Variants in RFX2 observed in about 807,000 individuals in gnomAD.
RFX2 encodes regulatory factor X2.
Under a neutral mutation model 87.8 loss-of-function variants are expected in RFX2, and 20 were observed. That is an observed-to-expected ratio of 0.23 (90% CI 0.16 to 0.33). RFX2 has a LOEUF of 0.33. Ranked by LOEUF, RFX2 falls within the 10% of genes least tolerant of loss-of-function variation. RFX2 has a pLI of 1.00. For synonymous variants in RFX2, 397 were observed against 431.3 expected, an observed-to-expected ratio of 0.92 and a Z score of 0.98; for missense variants, 767 against 1,012.3, an observed-to-expected ratio of 0.76 and a Z score of 3.29.
intron 2 of RFX2, among the ~76,000 whole-genome samples, chr19:6,046,563 C>CAA (rs553142802): frequency 2.6e-5 from 3 of 117,094 alleles, no homozygotes; most frequent in Non-Finnish European, 3.7e-5. Context: ...CGTCCCCCCC[C>CAA]AAAAAAAAAA....
chr19:5,996,553 G>T (rs933421556), intron 16 of RFX2, among the ~76,000 whole-genome samples: 5 of 152,258 alleles, frequency 3.3e-5, no homozygotes, highest in Non-Finnish European at 7.3e-5. Flanking sequence ...TGCAGGAGGA[G>T]CTTGGGAATG....
At chr19:6,109,147 T>G (rs1473287359) in intron 1 of RFX2, among the ~76,000 whole-genome samples, 1 of 151,116 alleles carries the variant, frequency 6.6e-6, no homozygotes, top group African/African-American at 2.4e-5. Flanking sequence ...GCAGTTTAGG[T>G]TCTTTAACAA....
At position 6,012,954 on chromosome 19, in the gene RFX2, G is replaced by GC; in HGVS notation, c.899+31dup. 6.7e-7 allele frequency: 1 copy of GC among 1,485,936 alleles called. No individual in the cohort carries two copies. The highest frequency in any genetic ancestry group is 9.0e-7 in the Non-Finnish European group (1 of 1,117,012). The allele number at this position is 1,485,936 out of a possible 1,614,324, so 92.0% of individuals were successfully genotyped here. On this transcript the variant is annotated intron_variant, in intron 8 of 17. Coordinates refer to ENST00000303657, the MANE Select transcript of RFX2 (RefSeq NM_000635.4). This position sits in a 1 kb window ranked among gnomAD's most constrained non-coding sequence, Gnocchi z 4.6. ...CCACCCCTCCATGCTCCAGGGGAGAGCCAGCTCCTCCCAGCTCGGCCCGGC... is the reference window on the plus strand; with the variant it reads ...CCACCCCTCCATGCTCCAGGGGAGAGCCCAGCTCCTCCCAGCTCGGCCCGGC...
intron 1 of RFX2, among the ~76,000 whole-genome samples, chr19:6,084,351 A>G (rs1470202028): frequency 6.6e-6 from 1 of 152,252 alleles, no homozygotes; most frequent in African/African-American, 2.4e-5. Flanking sequence ...TTTATCATTA[A>G]TTGTGGTAAA....
At chr19:6,100,693 G>A (rs1000723341) in intron 1 of RFX2, among the ~76,000 whole-genome samples, 2 of 152,172 alleles carry the variant, frequency 1.3e-5, no homozygotes, top group Non-Finnish European at 2.9e-5. Flanking sequence ...CCCAGCCGCT[G>A]CTACTGACTC....
intron 1 of RFX2, among the ~76,000 whole-genome samples, chr19:6,051,279 CTT>C (rs2144787031): frequency 6.6e-6 from 1 of 152,160 alleles, no homozygotes; most frequent in Admixed American, 6.5e-5. Flanking sequence ...CTTTTCTTCT[CTT>C]AATTTATTTT....
chr19:6,107,624 A>T (rs2088239061), intron 1 of RFX2, among the ~76,000 whole-genome samples: 1 of 148,656 alleles, frequency 6.7e-6, no homozygotes, highest in Non-Finnish European at 1.5e-5. Flanking sequence ...CTCAAAAAAA[A>T]AAAAAAAAAA....
rs1477370704 is a variant in RFX2, at chr19:6,013,705, G to T, written c.780-600C>A. 6.6e-6 allele frequency among the ~76,000 whole-genome samples: 1 copy of T among 152,124 alleles called. No individual in the cohort carries two copies. Among genetic ancestry groups the T allele is most frequent in the Non-Finnish European group, 1.5e-5 (1 of 68,022 alleles). On this transcript the variant is annotated intron_variant, in intron 7 of 17. Coordinates refer to ENST00000303657, the MANE Select transcript of RFX2 (RefSeq NM_000635.4). This position sits in a 1 kb window ranked among gnomAD's most constrained non-coding sequence, Gnocchi z 4.1. ...GGATGGTAGAAGTGATCCTCCTGCT[G>T]CAGCCTCTGAGTAGCTGACGTGTGC...
intron 7 of RFX2, among the ~76,000 whole-genome samples, chr19:6,014,372 G>C (rs1440412158): frequency 6.6e-6 from 1 of 152,128 alleles, no homozygotes; most frequent in Non-Finnish European, 1.5e-5. Flanking sequence ...GATTAGCTGG[G>C]ATTACAGGTA....
chr19:6,012,249 C>G lies in RFX2; in HGVS notation c.899+737G>C, dbSNP rs2086668289. On this transcript the variant is annotated intron_variant, in intron 8 of 17. Transcript: ENST00000303657. This position sits in a 1 kb window ranked among gnomAD's most constrained non-coding sequence, Gnocchi z 4.6. Reference sequence around the variant, plus strand: ...GGTGAAGAAGAAGTCGTGACTTGAGCACATCTGCTTCTTTCTCCTGGCTTC... The same window carrying G: ...GGTGAAGAAGAAGTCGTGACTTGAGGACATCTGCTTCTTTCTCCTGGCTTC... 6.6e-6 allele frequency: 1 copy of G among 151,644 alleles called. No homozygotes were observed. The highest frequency in any genetic ancestry group is 2.4e-5 in the African/African-American group (1 of 40,872). 9.4% of individuals were successfully genotyped at this position (151,644 alleles called of 1,614,324 possible).
At chr19:6,006,460 A>ATTT (rs35404707) in intron 12 of RFX2, among the ~76,000 whole-genome samples, 10 of 108,562 alleles carry the variant, frequency 9.2e-5, no homozygotes, top group Non-Finnish European at 1.3e-4. Flanking sequence ...TGCCCAGCTC[A>ATTT]TTTTTTTTTT....
chr19:6,007,860 G>A lies in RFX2; in HGVS notation c.1135-58C>T. 1 of 1,206,914 alleles carries A rather than the reference G, an allele frequency of 8.3e-7. No individual in the cohort carries two copies. Among genetic ancestry groups the A allele is most frequent in the Non-Finnish European group, 1.2e-6 (1 of 833,124 alleles). The allele number at this position is 1,206,914 out of a possible 1,614,324, so 74.8% of individuals were successfully genotyped here. A position where few individuals can be genotyped will look rare whatever the true frequency, so the allele number is the denominator to read the frequency against. Reference sequence around the variant, plus strand: ...TGCGTGCGCCCATCACGTGCACTCAGCACACGTCAAGTGAGCAGCCGTGAT... The same window carrying A: ...TGCGTGCGCCCATCACGTGCACTCAACACACGTCAAGTGAGCAGCCGTGAT... On this transcript the variant is annotated intron_variant, in intron 10 of 17. Coordinates refer to ENST00000303657, the MANE Select transcript of RFX2 (RefSeq NM_000635.4). The surrounding 1 kb of genome is among the most constrained non-coding windows in gnomAD (Gnocchi z 8.2).
rs538285222 is a variant in RFX2 at position 6,011,790 on chromosome 19, C to T, written c.899+1196G>A. Among the ~76,000 whole-genome samples, 4 of 152,302 alleles carry T rather than the reference C, an allele frequency of 2.6e-5. No homozygotes were observed. The highest frequency in any genetic ancestry group is 2.9e-5 in the Non-Finnish European group (2 of 68,028). On this transcript the variant is annotated intron_variant, in intron 8 of 17. Transcript: ENST00000303657. This position sits in a 1 kb window ranked among gnomAD's most constrained non-coding sequence, Gnocchi z 4.8. ...TGGGTTTTTGAGCCACACACATACA[C>T]GGGTGGCTCTGTGCAGAGGGTCCAG... is the stretch of plus-strand genomic sequence containing the variant.
At position 6,022,538 on chromosome 19, in the gene RFX2, G is replaced by A. The variant is rs759455662; in HGVS notation, c.597+3625C>T. Reference sequence around the variant, plus strand: ...TCGGCTGGTAGCCTGAGGGCAGCCCGGTGGCCCCCAGGGGCTGAGGCCGCC... The same window carrying A: ...TCGGCTGGTAGCCTGAGGGCAGCCCAGTGGCCCCCAGGGGCTGAGGCCGCC... On this transcript the variant is annotated intron_variant, in intron 6 of 17. Transcript: ENST00000303657. The surrounding 1 kb of genome is among the most constrained non-coding windows in gnomAD (Gnocchi z 6.2). Among the ~76,000 whole-genome samples, 2 of 152,202 alleles carry A rather than the reference G, an allele frequency of 1.3e-5. No individual in the cohort carries two copies. The highest frequency in any genetic ancestry group is 6.5e-5 in the Admixed American group (1 of 15,290).
At chr19:6,097,214 T>C (rs1184081206) in intron 1 of RFX2, among the ~76,000 whole-genome samples, 1 of 152,090 alleles carries the variant, frequency 6.6e-6, no homozygotes, top group African/African-American at 2.4e-5. Flanking sequence ...GACTAGACCC[T>C]GGGGAGGAAG....
At chr19:6,032,858 A>T (rs999352611) in intron 5 of RFX2, among the ~76,000 whole-genome samples, 5 of 152,218 alleles carry the variant, frequency 3.3e-5, no homozygotes. Context: ...GCACGATCAC[A>T]GCTCACTACA....
intron 1 of RFX2, among the ~76,000 whole-genome samples, chr19:6,079,331 A>G (rs1396046109): frequency 6.6e-6 from 1 of 152,244 alleles, no homozygotes; most frequent in Non-Finnish European, 1.5e-5. Flanking sequence ...GGATCACACA[A>G]GGACTGTGCT....
intron 5 of RFX2, among the ~76,000 whole-genome samples, chr19:6,032,305 G>GT (rs2086963539): frequency 6.6e-6 from 1 of 151,940 alleles, no homozygotes; most frequent in African/African-American, 2.4e-5. Context: ...TGTTGTTGTT[G>GT]TATTTTAGTA....
chr19:6,094,008 G>C (rs1010274894), intron 1 of RFX2, among the ~76,000 whole-genome samples: 2 of 152,108 alleles, frequency 1.3e-5, no homozygotes, highest in Admixed American at 1.3e-4. Flanking sequence ...GGAATTAGAT[G>C]GTGGTGATGG....
Sources: gnomAD v4.1 joint callset for allele counts (sites outside exome capture counted in the v4.1 genomes callset) on GRCh38, gnomAD v4.1.1 for gene constraint, Gnocchi (gnomAD v3.1) non-coding constraint, MANE v1.5 for transcripts, NCBI Gene and HGNC (gene_info 2026-07-23, HGNC 2026-07-21) for gene names.